VPS4B: variants seen among roughly 807,000 people sequenced by gnomAD.
VPS4B encodes vacuolar protein sorting-associated protein 4B.
A neutral mutation model predicts 56.1 loss-of-function variants in VPS4B; 23 were observed. That is an observed-to-expected ratio of 0.41 (90% CI 0.30 to 0.58). The LOEUF (loss-of-function observed/expected upper bound fraction) is 0.58. VPS4B is among the 20% of genes least tolerant of loss of function. The probability of loss-of-function intolerance (pLI) is 0.29; values close to 1 mark genes in which losing one functional copy is unlikely to be tolerated. For missense variants in VPS4B, 372 were observed against 531.9 expected (o/e 0.70, Z 2.96); for synonymous variants, 177 against 186.0 (o/e 0.95, Z 0.39).
At chr18:63,396,583 C>T (rs905759484) in intron 9 of VPS4B, 1 of 161,758 alleles carries the variant, frequency 6.2e-6, no homozygotes, top group Non-Finnish European at 1.3e-5. Flanking sequence ...TATTAAAGAA[C>T]TTGTTTCAGT....
chr18:63,422,067 G>A (rs908655197), intron 1 of VPS4B, among the ~76,000 whole-genome samples, 166 bp downstream of exon 1: 3 of 152,166 alleles, frequency 2.0e-5, no homozygotes, highest in South Asian at 4.1e-4. Context: ...CGACCTTTCC[G>A]TTGGAAAACG....
At chr18:63,418,479 G>C (rs925604119) in intron 1 of VPS4B, among the ~76,000 whole-genome samples, 1 of 151,550 alleles carries the variant, frequency 6.6e-6, no homozygotes, top group African/African-American at 2.4e-5. Context: ...GTGTGATCAC[G>C]CCTCAGTGTT....
intron 9 of VPS4B, among the ~76,000 whole-genome samples, chr18:63,394,507 C>A (rs1915627013): frequency 6.6e-6 from 1 of 150,950 alleles, no homozygotes; most frequent in Non-Finnish European, 1.5e-5. Context: ...CGCTTTGTAG[C>A]CCAGGCTGGA....
Position 63,396,962 on chromosome 18 carries a change from C to G in VPS4B, c.1092+72G>C, listed in dbSNP as rs531474105. On this transcript the variant is annotated intron_variant, in intron 9 of 10. Coordinates refer to ENST00000238497, the MANE Select transcript of VPS4B (RefSeq NM_004869.4). ...CCCAGATAGTGCCACTGCACTCCAG[C>G]CTGGGCAACAGAGTGAGACTGTCTC... 2.0e-6 allele frequency: 3 copies of G among 1,484,776 alleles called. No homozygotes were observed. In the Admixed American group the frequency reaches 5.5e-5, roughly 27 times the overall value. 92.0% of individuals were successfully genotyped at this position (1,484,776 alleles called of 1,614,324 possible).
chr18:63,421,339 G>A (rs769133612), intron 1 of VPS4B, among the ~76,000 whole-genome samples: 29 of 152,188 alleles, frequency 1.9e-4, no homozygotes, highest in Non-Finnish European at 1.5e-4. Context: ...CATTACCTTT[G>A]ATGCCTCTGT....
Position 63,411,526 on chromosome 18 carries a change from T to C in VPS4B, c.80A>G (p.Tyr27Cys). Residue 27 changes from tyrosine to cysteine, a missense_variant, in exon 2 of 11, where the codon TAC becomes TGC. Physicochemically the swap from Tyr to Cys is radical, Grantham distance 194. Coordinates refer to ENST00000238497, the MANE Select transcript of VPS4B (RefSeq NM_004869.4). ...KAAQEDKAGN[Y>C]EEALQLYQHA... ...CTGATAGAGCTGAAGGGCTTCTTCG[T>C]AGTTCCCAGCCTTGTCTTCTTGCGC... is the stretch of plus-strand genomic sequence containing the variant. The C allele has an allele frequency of 6.2e-7, 1 of 1,604,116 alleles. No individual in the cohort carries two copies. Among genetic ancestry groups the C allele is most frequent in the Non-Finnish European group, 8.5e-7 (1 of 1,174,606 alleles).
intron 1 of VPS4B, among the ~76,000 whole-genome samples, chr18:63,421,894 G>C (rs1267009764): frequency 2.0e-5 from 3 of 152,284 alleles, no homozygotes; most frequent in Non-Finnish European, 4.4e-5. Context: ...TCTTCAACTG[G>C]TCCAGAATAG....
At chr18:63,398,495 C>T (rs1915730559) in intron 8 of VPS4B, among the ~76,000 whole-genome samples, 1 of 151,366 alleles carries the variant, frequency 6.6e-6, no homozygotes, top group Non-Finnish European at 1.5e-5. Context: ...GCTGGGATTA[C>T]AGGCATGAGC....
intron 8 of VPS4B, 56 bp downstream of exon 8, chr18:63,399,186 A>G (rs946780004): frequency 1.4e-6 from 2 of 1,448,480 alleles, no homozygotes; most frequent in South Asian, 1.2e-5. Context: ...AAAGAGAATT[A>G]TCATCTACTT....
chr18:63,393,006 A>G (rs897751702), intron 10 of VPS4B, among the ~76,000 whole-genome samples: 1 of 152,190 alleles, frequency 6.6e-6, no homozygotes, highest in East Asian at 1.9e-4. Context: ...TTGGCCTCCC[A>G]AAGTGCTGGG....
At chr18:63,416,340 TCTGGAGGTC>T (rs1409492929) in intron 1 of VPS4B, 1 of 166,414 alleles carries the variant, frequency 6.0e-6, no homozygotes, top group African/African-American at 2.4e-5. Context: ...GCCTGCAGCC[TCTGGAGGTC>T]CTGGCTGTTA....
At chr18:63,416,000 G>T in intron 1 of VPS4B, 1 of 216,014 alleles carries the variant, frequency 4.6e-6, no homozygotes, top group South Asian at 8.3e-5. Context: ...TCCTTAATCT[G>T]CTTGTCCAGT....
At chr18:63,402,807 C>A (rs1291360253) in intron 5 of VPS4B, among the ~76,000 whole-genome samples, 1 of 152,168 alleles carries the variant, frequency 6.6e-6, no homozygotes, top group South Asian at 2.1e-4. Context: ...TGAAGCTAGG[C>A]GGACAGTGCG....
chr18:63,418,909 C>T (rs1916230248), intron 1 of VPS4B, among the ~76,000 whole-genome samples: 1 of 152,194 alleles, frequency 6.6e-6, no homozygotes, highest in Non-Finnish European at 1.5e-5. Context: ...TACTTCTACA[C>T]ATATGTATGC....
Position 63,419,834 on chromosome 18 carries a change from G to A in VPS4B, c.27+2399C>T, listed in dbSNP as rs186898311. ...AAACTGTGGAAAGTAAAACCACAGG[G>A]AAGTGGAGAATACTGTGCAGCTTTA... On this transcript the variant is annotated intron_variant, in intron 1 of 10. Coordinates refer to ENST00000238497, the MANE Select transcript of VPS4B (RefSeq NM_004869.4). Among the ~76,000 whole-genome samples, 577 of 152,324 alleles carry A rather than the reference G, an allele frequency of 3.8e-3. 1 individual carries two copies. Among genetic ancestry groups the A allele is most frequent in the Non-Finnish European group, 7.2e-3 (487 of 68,030 alleles).
intron 9 of VPS4B, among the ~76,000 whole-genome samples, chr18:63,395,566 TA>T (rs1162844477): frequency 1.3e-5 from 2 of 152,184 alleles, no homozygotes; most frequent in Non-Finnish European, 2.9e-5. Context: ...CTTGTTAACT[TA>T]AAAAAATCTT....
At chr18:63,414,577 G>T (rs1007504749) in intron 1 of VPS4B, among the ~76,000 whole-genome samples, 1 of 152,022 alleles carries the variant, frequency 6.6e-6, no homozygotes, top group African/African-American at 2.4e-5. Context: ...TGGGATTACA[G>T]GCACCCACCA....
At chr18:63,400,841 G>C (rs1169150828) in intron 5 of VPS4B, 138 bp from the exon 6 acceptor site, 2 of 872,730 alleles carry the variant, frequency 2.3e-6, no homozygotes, top group Non-Finnish European at 1.7e-6. Context: ...ATCAATCTAA[G>C]GTATGTCTTA....
At chr18:63,397,349 A>G in intron 8 of VPS4B, 96 bp from the exon 9 acceptor site, 1 of 1,086,092 alleles carries the variant, frequency 9.2e-7, no homozygotes, top group Admixed American at 2.8e-5. Context: ...TGTATGTGCC[A>G]AGGTTAAACA....
Sources: allele counts gnomAD v4.1 joint callset (sites outside exome capture counted in the v4.1 genomes callset), GRCh38; gene constraint gnomAD v4.1.1; transcripts MANE v1.5; gene names NCBI Gene and HGNC (gene_info 2026-07-23, HGNC 2026-07-21).